NBPF12: variants seen among roughly 807,000 people sequenced by gnomAD.
The protein encoded by NBPF12 is NBPF member 12.
A neutral mutation model predicts 146.4 loss-of-function variants in NBPF12; 115 were observed. The ratio of observed to expected loss-of-function variants is 0.79; its 90% CI spans 0.68 to 0.92. The LOEUF is 0.92. Among genes scored for constraint, NBPF12 ranks in the 40% least tolerant of loss-of-function variants. The pLI is 0.00. For missense variants in NBPF12, 1,205 were observed against 1,326.8 expected, an observed-to-expected ratio of 0.91 and a Z score of 1.43; for synonymous variants, 385 against 508.9, an observed-to-expected ratio of 0.76 and a Z score of 3.28.
intron 33 of NBPF12, 151 bp from the exon 37 acceptor site, chr1:146,994,181 T>C: frequency 4.7e-6 from 7 of 1,481,402 alleles, no homozygotes; most frequent in African/African-American, 1.5e-5. Context: ...CCCTGTTCTA[T>C]CCCAACATAA....
chr1:146,964,538 C>A, intron 7 of NBPF12, 109 bp downstream of exon 10: 1 of 1,554,222 alleles, frequency 6.4e-7, no homozygotes. Flanking sequence ...ATTCCCTTGG[C>A]CACAGTATGT....
chr1:146,949,328 GTGAT>G lies in NBPF12; in HGVS notation c.-415_-412del, dbSNP rs1351111945. The G allele has an allele frequency of 8.6e-5, 12 of 139,812 alleles. No individual in the cohort carries two copies. The East Asian group carries it at 1.5e-3, about 18-fold the overall frequency. The allele number at this position is 139,812 out of a possible 1,614,324, so 8.7% of individuals were successfully genotyped here. ...GAACCATTTTTATTCTTTCAGAAAT[GTGAT>G]TGATAACAGTAAAGCCACACTCCTC... On this transcript the variant is annotated 5_prime_UTR_variant, in exon 1 of 34. An upstream open reading frame in the 5' UTR gains an earlier in-frame stop. Transcript: ENST00000617844.
intron 4 of NBPF12, 141 bp downstream of exon 7, chr1:146,960,459 T>G: frequency 4.9e-6 from 3 of 612,994 alleles, no homozygotes; most frequent in South Asian, 3.9e-5. Flanking sequence ...TTTAACATTT[T>G]GTTAAAGTTG....
intron 6 of NBPF12, among the ~76,000 whole-genome samples, 155 bp downstream of exon 9, chr1:146,963,464 A>G (rs1435347239): frequency 3.9e-5 from 6 of 152,158 alleles, no homozygotes; most frequent in Admixed American, 2.0e-4. Context: ...TAAGAACAGA[A>G]ATGGGAAACC....
chr1:146,994,286 G>A (rs587740441), intron 33 of NBPF12, 46 bp from the exon 37 acceptor site: 2 of 1,611,032 alleles, frequency 1.2e-6, no homozygotes, highest in African/African-American at 1.3e-5. Flanking sequence ...GCTCTGTGGT[G>A]TCTGACTTTC....
chr1:146,964,895 A>C, exon 8 of NBPF12: 1 of 1,587,184 alleles, frequency 6.3e-7, no homozygotes. Context: ...CTCATCAGGG[A>C]GGTGCAGAAG....
At chr1:146,973,783 T>TA (rs1170489558) in intron 14 of NBPF12, among the ~76,000 whole-genome samples, 8 of 142,276 alleles carry the variant, frequency 5.6e-5, no homozygotes, top group East Asian at 2.0e-4. Context: ...GCAAGACTGT[T>TA]AAAAAAAAAT....
intron 1 of NBPF12, 81 bp from the exon 5 acceptor site, chr1:146,951,267 G>C: frequency 1.4e-6 from 1 of 721,194 alleles, no homozygotes; most frequent in Non-Finnish European, 2.4e-6. Context: ...TGGGGGCCCT[G>C]GGGTCATGGT....
chr1:146,994,527 G>T (rs1559533918), exon 34 of NBPF12: 2 of 1,609,628 alleles, frequency 1.2e-6, no homozygotes, highest in East Asian at 2.2e-5. Flanking sequence ...CTTTGACGGT[G>T]ACAAGTCTCC....
exon 34 of NBPF12, chr1:146,994,637 T>C: frequency 1.9e-6 from 3 of 1,584,876 alleles, no homozygotes; most frequent in Admixed American, 1.8e-5. Context: ...CACCTGAAGA[T>C]TTGAATGAAA....
chr1:146,990,702 A>G (rs1388444300), intron 29 of NBPF12, among the ~76,000 whole-genome samples, 185 bp downstream of exon 32: 2 of 127,384 alleles, frequency 1.6e-5, no homozygotes, highest in African/African-American at 6.3e-5. Context: ...CTTGTCATTT[A>G]CTAACTTACT....
At chr1:146,949,818 C>G (rs1377805059) in intron 1 of NBPF12, among the ~76,000 whole-genome samples, 1 of 151,960 alleles carries the variant, frequency 6.6e-6, no homozygotes, top group African/African-American at 2.4e-5. Flanking sequence ...ACTCCAGAGG[C>G]CACGTGCTTT....
chr1:146,994,496 A>G, exon 34 of NBPF12: 2 of 1,609,390 alleles, frequency 1.2e-6, no homozygotes, highest in African/African-American at 1.4e-5. Context: ...TTTGCCCTTG[A>G]CATGGACAAT....
At chr1:146,981,659 G>C (rs1187066694) in intron 19 of NBPF12, among the ~76,000 whole-genome samples, 1 of 151,858 alleles carries the variant, frequency 6.6e-6, no homozygotes, top group Non-Finnish European at 1.5e-5. Flanking sequence ...TTCCCAGCTT[G>C]GTTCCATTCT....
In NBPF12 at chr1:146,950,740, T is replaced by A. The variant is rs1176553703; in HGVS notation, c.-325-608T>A. Among the ~76,000 whole-genome samples, 3 of 152,146 alleles carry A rather than the reference T, an allele frequency of 2.0e-5. No individual in the cohort carries two copies. In the East Asian group the frequency reaches 5.8e-4, roughly 29 times the overall value. ...GGAATGAATGTATCACATTCTTGTATTGATAGATATTTGAATGTATATTTG... is the reference window on the plus strand; with the variant it reads ...GGAATGAATGTATCACATTCTTGTAATGATAGATATTTGAATGTATATTTG... On this transcript the variant is annotated intron_variant, in intron 1 of 33. Transcript: ENST00000617844.
chr1:146,994,367 A>C, exon 34 of NBPF12: 2 of 1,612,248 alleles, frequency 1.2e-6, no homozygotes, highest in Non-Finnish European at 1.7e-6. Context: ...GAAGAGCCTG[A>C]AGTCTTGCAG....
At chr1:146,972,102 AAG>A (rs1656676073) in intron 13 of NBPF12, among the ~76,000 whole-genome samples, 1 of 146,200 alleles carries the variant, frequency 6.8e-6, no homozygotes, top group Non-Finnish European at 1.5e-5. Context: ...AAAAAAAAAA[AAG>A]TAAGTCTCTG....
At chr1:146,960,538 TA>T (rs1655782774) in intron 4 of NBPF12, among the ~76,000 whole-genome samples, 1 of 152,008 alleles carries the variant, frequency 6.6e-6, no homozygotes, top group Non-Finnish European at 1.5e-5. Flanking sequence ...GGACTAGAGT[TA>T]AACTCACAGT....
chr1:146,963,755 G>A (rs1656014572), intron 6 of NBPF12, among the ~76,000 whole-genome samples: 1 of 149,486 alleles, frequency 6.7e-6, no homozygotes, highest in East Asian at 2.0e-4. Context: ...AGGGTCTGAA[G>A]CATCCAAATA....
Sources: gnomAD v4.1 joint callset for allele counts (sites outside exome capture counted in the v4.1 genomes callset) on GRCh38, gnomAD v4.1.1 for gene constraint, MANE v1.5 for transcripts, NCBI Gene and HGNC (gene_info 2026-07-23, HGNC 2026-07-21) for gene names.